AKT3: variants seen among roughly 807,000 people sequenced by gnomAD.
AKT3 encodes the protein RAC-gamma serine/threonine-protein kinase.
AKT3 carries 15 observed loss-of-function variants against 65.3 expected under a neutral mutation model. That is an observed-to-expected ratio of 0.23 (90% confidence interval 0.15 to 0.35). AKT3 has a LOEUF of 0.35. Ranked by LOEUF, AKT3 falls within the 10% of genes least tolerant of loss-of-function variation. The probability of loss-of-function intolerance (pLI) is 1.00; values close to 1 mark genes in which losing one functional copy is unlikely to be tolerated. For missense variants in AKT3, 243 were observed against 576.5 expected, an observed-to-expected ratio of 0.42 and a Z score of 5.92; for synonymous variants, 206 against 183.8, an observed-to-expected ratio of 1.12 and a Z score of -0.98.
At chr1:243,783,450 C>G (rs1354487680) in intron 2 of AKT3, among the ~76,000 whole-genome samples, 1 of 152,206 alleles carries the variant, frequency 6.6e-6, no homozygotes, top group Non-Finnish European at 1.5e-5. Context: ...CAGGCCCCTT[C>G]TGTACCTCAC....
At chr1:243,703,565 A>T (rs1558737299) in intron 2 of AKT3, among the ~76,000 whole-genome samples, 1 of 152,040 alleles carries the variant, frequency 6.6e-6, no homozygotes, top group African/African-American at 2.4e-5. Context: ...GTCAGAGACC[A>T]GCCTGGCCAA....
chr1:243,699,805 A>T (rs1186481152), intron 2 of AKT3, among the ~76,000 whole-genome samples: 1 of 152,076 alleles, frequency 6.6e-6, no homozygotes, highest in Non-Finnish European at 1.5e-5. Context: ...CTGGAGAATT[A>T]TCTAGGTAAG....
intron 12 of AKT3, among the ~76,000 whole-genome samples, chr1:243,519,130 A>C (rs1558583323): frequency 6.6e-6 from 1 of 152,210 alleles, no homozygotes; most frequent in Non-Finnish European, 1.5e-5. Context: ...TTTGCAAGGG[A>C]AAAAATTAAT....
intron 13 of AKT3, among the ~76,000 whole-genome samples, chr1:243,492,294 G>GGTT (rs1558547697): frequency 1.7e-5 from 1 of 60,160 alleles, no homozygotes. Context: ...TCGTTTCTTG[G>GGTT]CTTTTTTTTT....
At chr1:243,730,451 A>G (rs1687483797) in intron 2 of AKT3, among the ~76,000 whole-genome samples, 1 of 152,188 alleles carries the variant, frequency 6.6e-6, no homozygotes, top group African/African-American at 2.4e-5. Context: ...TTCCTGGCCA[A>G]CTCACCAAAC....
At chr1:243,499,635 A>G (rs1669007637), downstream of AKT3, 2 of 796,558 alleles carry the variant, frequency 2.5e-6, no homozygotes, top group Non-Finnish European at 2.2e-6. Flanking sequence ...CATTTTTAGC[A>G]ACAGGTTTTT....
chr1:243,684,161 C>T (rs1286368436), intron 3 of AKT3, among the ~76,000 whole-genome samples: 1 of 151,564 alleles, frequency 6.6e-6, no homozygotes, highest in Non-Finnish European at 1.5e-5. Flanking sequence ...ATGTTTTTTA[C>T]TTTTTTTTAT....
intron 8 of AKT3, among the ~76,000 whole-genome samples, chr1:243,576,187 G>C (rs1013011570): frequency 6.6e-6 from 1 of 151,866 alleles, no homozygotes; most frequent in Non-Finnish European, 1.5e-5. Context: ...ATTCAACATC[G>C]CTTCATGTTA....
intron 2 of AKT3, among the ~76,000 whole-genome samples, chr1:243,790,762 G>A (rs982794038): frequency 6.6e-6 from 1 of 152,110 alleles, no homozygotes; most frequent in Non-Finnish European, 1.5e-5. Context: ...ACTTGAACAT[G>A]TAGAGGCCAT....
intron 11 of AKT3, among the ~76,000 whole-genome samples, chr1:243,546,057 G>A (rs1055564786): frequency 6.6e-6 from 1 of 152,114 alleles, no homozygotes; most frequent in Admixed American, 6.5e-5. Flanking sequence ...CAGGTGGGAG[G>A]TAACTGAATC....
chr1:243,815,700 A>G (rs1693469979), intron 2 of AKT3, among the ~76,000 whole-genome samples: 1 of 151,220 alleles, frequency 6.6e-6, no homozygotes. Context: ...CAGGCTCAAG[A>G]ACTTAGAGAT....
chr1:243,649,364 G>C (rs1219024377), intron 4 of AKT3, among the ~76,000 whole-genome samples: 1 of 146,488 alleles, frequency 6.8e-6, no homozygotes, highest in African/African-American at 2.6e-5. Context: ...TGTGTATGTT[G>C]GGTGTGTGTG....
intron 8 of AKT3, among the ~76,000 whole-genome samples, chr1:243,587,274 T>A (rs978483437): frequency 3.9e-5 from 6 of 152,196 alleles, no homozygotes; most frequent in Non-Finnish European, 7.4e-5. Flanking sequence ...AGCAAGATAA[T>A]TTTTAAAGTT....
intron 13 of AKT3, among the ~76,000 whole-genome samples, chr1:243,506,316 G>GA (rs1669664162): frequency 6.6e-6 from 1 of 152,210 alleles, no homozygotes; most frequent in African/African-American, 2.4e-5. Flanking sequence ...GGAAATCAGT[G>GA]AATCTTTCCA....
At chr1:243,572,895 C>T (rs771384752) in intron 9 of AKT3, 31 bp downstream of exon 9, 2 of 1,578,496 alleles carry the variant, frequency 1.3e-6, no homozygotes, top group East Asian at 2.3e-5. Context: ...TCTGCAAAAA[C>T]AAATTTTGAT....
intron 6 of AKT3, among the ~76,000 whole-genome samples, chr1:243,615,947 C>T (rs1275080372): frequency 2.0e-5 from 3 of 151,822 alleles, no homozygotes; most frequent in Non-Finnish European, 4.4e-5. Flanking sequence ...GCTATGTTGC[C>T]CAGGCTGAGC....
At chr1:243,494,001 G>A (rs990043575) in intron 13 of AKT3, among the ~76,000 whole-genome samples, 25 of 152,142 alleles carry the variant, frequency 1.6e-4, no homozygotes, top group Admixed American at 1.6e-3. Context: ...CCTTGGAGGT[G>A]TCACCTAATT....
intron 2 of AKT3, among the ~76,000 whole-genome samples, chr1:243,765,718 C>T (rs1048579805): frequency 6.6e-6 from 1 of 152,078 alleles, no homozygotes; most frequent in African/African-American, 2.4e-5. Flanking sequence ...TCTCTGCTAA[C>T]AAAATAATGG....
chr1:243,791,594 T>C (rs1691635960), intron 2 of AKT3, among the ~76,000 whole-genome samples: 1 of 152,230 alleles, frequency 6.6e-6, no homozygotes, highest in Non-Finnish European at 1.5e-5. Context: ...TATGAGTGCA[T>C]ATACTTTATG....
Sources: gnomAD v4.1 joint callset for allele counts (sites outside exome capture counted in the v4.1 genomes callset) on GRCh38, gnomAD v4.1.1 for gene constraint, MANE v1.5 for transcripts, NCBI Gene and HGNC (gene_info 2026-07-23, HGNC 2026-07-21) for gene names.